The following SLC9C1 variants were observed in gnomAD, a reference collection of about 807,000 sequenced individuals.
SLC9C1 encodes the protein solute carrier family 9 member C1.
In SLC9C1, 97 loss-of-function variants were observed where a neutral mutation model predicts 140.9. The observed-to-expected ratio is 0.69, with a 90% confidence interval of 0.58 to 0.82. The LOEUF (loss-of-function observed/expected upper bound fraction) is 0.82, where lower values mean the gene tolerates loss of function less well. Among genes scored for constraint, SLC9C1 ranks in the 40% least tolerant of loss-of-function variants. SLC9C1 has a pLI of 0.00. For synonymous variants in SLC9C1, 440 were observed against 442.6 expected, an observed-to-expected ratio of 0.99 and a Z score of 0.07; for missense variants, 1,340 against 1,389.3, an observed-to-expected ratio of 0.96 and a Z score of 0.56.
chr3:112,193,305 C>T (rs376518803), intron 20 of SLC9C1, among the ~76,000 whole-genome samples: 3 of 152,018 alleles, frequency 2.0e-5, no homozygotes, highest in South Asian at 2.1e-4. Flanking sequence ...CATGGGCATG[C>T]GACTATTTAG....
chr3:112,218,631 C>G (rs768413582), intron 14 of SLC9C1, among the ~76,000 whole-genome samples: 13 of 151,808 alleles, frequency 8.6e-5, no homozygotes, highest in Non-Finnish European at 1.3e-4. Context: ...AAAGATAAAC[C>G]ATAAAGAAAT....
intron 10 of SLC9C1, among the ~76,000 whole-genome samples, chr3:112,253,194 G>A (rs1031911803): frequency 3.3e-5 from 5 of 152,162 alleles, no homozygotes; most frequent in African/African-American, 1.2e-4. Flanking sequence ...CTCTGGGGTA[G>A]AACCCCCAGC....
chr3:112,270,145 T>C (rs13069541), intron 6 of SLC9C1, 68 bp from the exon 7 acceptor site: 8 of 1,403,118 alleles, frequency 5.7e-6, no homozygotes, highest in Admixed American at 2.8e-5. Context: ...TGATATTCCT[T>C]GTTAATTTTC....
At chr3:112,281,813 G>T (rs2080365382) in intron 2 of SLC9C1, among the ~76,000 whole-genome samples, 1 of 152,116 alleles carries the variant, frequency 6.6e-6, no homozygotes, top group African/African-American at 2.4e-5. Flanking sequence ...GTTGACACTT[G>T]GGTGGAAGAA....
At chr3:112,230,650 A>G (rs1187740552) in intron 13 of SLC9C1, among the ~76,000 whole-genome samples, 2 of 152,180 alleles carry the variant, frequency 1.3e-5, no homozygotes, top group African/African-American at 4.8e-5. Flanking sequence ...TAGACTGAGC[A>G]GGTAGAGTGA....
chr3:112,276,964 T>A (rs912953831), intron 5 of SLC9C1, among the ~76,000 whole-genome samples: 6 of 152,130 alleles, frequency 3.9e-5, no homozygotes, highest in African/African-American at 1.4e-4. Context: ...TCCCCTTTAA[T>A]TGGCTAGAAA....
At chr3:112,231,577 A>C in intron 12 of SLC9C1, 91 bp from the exon 13 acceptor site, 1 of 1,297,778 alleles carries the variant, frequency 7.7e-7, no homozygotes, top group Non-Finnish European at 1.1e-6. Flanking sequence ...ACCAGTTTGC[A>C]TTGAAAAATG....
chr3:112,197,119 G>A (rs948254559), intron 20 of SLC9C1, among the ~76,000 whole-genome samples: 12 of 152,120 alleles, frequency 7.9e-5, no homozygotes, highest in Middle Eastern at 3.4e-3. Flanking sequence ...CATTGTCAGG[G>A]TTTTATTTTA....
intron 7 of SLC9C1, among the ~76,000 whole-genome samples, chr3:112,268,697 AT>A (rs1213129447): frequency 1.3e-5 from 2 of 152,154 alleles, no homozygotes; most frequent in African/African-American, 4.8e-5. Context: ...TAATCTAACC[AT>A]TTTTTCTTTT....
chr3:112,267,302 C>T (rs981577998), intron 7 of SLC9C1, among the ~76,000 whole-genome samples: 5 of 151,784 alleles, frequency 3.3e-5, no homozygotes, highest in African/African-American at 4.8e-5. Context: ...CAGGGCCGGG[C>T]GTGGTGGCTC....
At chr3:112,209,324 A>C (rs2078139330) in intron 15 of SLC9C1, among the ~76,000 whole-genome samples, 1 of 152,188 alleles carries the variant, frequency 6.6e-6, no homozygotes, top group South Asian at 2.1e-4. Flanking sequence ...GCAGAGTTTA[A>C]GCCTTGTTAA....
chr3:112,214,584 C>G (rs939890479), intron 15 of SLC9C1, among the ~76,000 whole-genome samples: 5 of 152,144 alleles, frequency 3.3e-5, no homozygotes, highest in African/African-American at 1.2e-4. Flanking sequence ...ATAAACACCT[C>G]TACACAAATA....
chr3:112,214,409 T>C (rs1237430278), intron 15 of SLC9C1, among the ~76,000 whole-genome samples: 5 of 152,066 alleles, frequency 3.3e-5, no homozygotes, highest in Non-Finnish European at 5.9e-5. Context: ...AAAAAATCAA[T>C]GAATCCAGGA....
intron 15 of SLC9C1, among the ~76,000 whole-genome samples, chr3:112,213,336 G>A (rs1039342553): frequency 6.6e-5 from 10 of 152,086 alleles, no homozygotes; most frequent in African/African-American, 2.4e-4. Flanking sequence ...ATAATGACAG[G>A]ATCAAATCCA....
At chr3:112,174,357 C>T (rs912286744) in intron 23 of SLC9C1, among the ~76,000 whole-genome samples, 6 of 152,068 alleles carry the variant, frequency 3.9e-5, no homozygotes, top group African/African-American at 1.4e-4. Flanking sequence ...GATCAGGGGG[C>T]CAAAAGCTCA....
chr3:112,181,649 A>G (rs367872030), intron 21 of SLC9C1, among the ~76,000 whole-genome samples: 15 of 152,332 alleles, frequency 9.8e-5, no homozygotes, highest in African/African-American at 3.6e-4. Context: ...TATTGGATAC[A>G]ATGGCAGCAA....
In SLC9C1 at chr3:112,277,883, G is replaced by T. The variant is rs9809174; in HGVS notation, c.319-23C>A. The T allele has an allele frequency of 3.2e-6, 5 of 1,570,472 alleles. No homozygotes were observed. In the South Asian group the frequency reaches 4.7e-5, roughly 15 times the overall value. ...TATCTGCAAAGAAATTTTACAATTA[G>T]AAAAATCAGACTGCTTTTGTAGTCC... On this transcript the variant is annotated intron_variant, in intron 4 of 28. Coordinates refer to ENST00000305815, the MANE Select transcript of SLC9C1 (RefSeq NM_183061.3).
chr3:112,207,613 G>A (rs999264350), intron 16 of SLC9C1, among the ~76,000 whole-genome samples: 1 of 152,112 alleles, frequency 6.6e-6, no homozygotes, highest in African/African-American at 2.4e-5. Flanking sequence ...TCCTTAATGT[G>A]TCATGGTGTT....
At chr3:112,196,494 T>C (rs773212888) in intron 20 of SLC9C1, among the ~76,000 whole-genome samples, 26 of 152,118 alleles carry the variant, frequency 1.7e-4, no homozygotes, top group Non-Finnish European at 3.1e-4. Flanking sequence ...TTCTCTCTCT[T>C]GGACTCCCAC....
Sources: allele counts gnomAD v4.1 joint callset (sites outside exome capture counted in the v4.1 genomes callset), GRCh38; gene constraint gnomAD v4.1.1; transcripts MANE v1.5; gene names NCBI Gene and HGNC (gene_info 2026-07-23, HGNC 2026-07-21).